The following CTC1 variants were observed in gnomAD, a reference collection of about 807,000 sequenced individuals.
CTC1 encodes CST telomere replication complex component 1.
CTC1 carries 91 observed loss-of-function variants against 136.3 expected under a neutral mutation model. The observed-to-expected ratio is 0.67, with a 90% confidence interval of 0.56 to 0.79. The LOEUF (loss-of-function observed/expected upper bound fraction) is 0.79. Among genes scored for constraint, CTC1 ranks in the 30% least tolerant of loss-of-function variants. CTC1 has a pLI of 0.00. For synonymous variants in CTC1, 606 were observed against 613.8 expected (o/e 0.99, Z 0.19); for missense variants, 1,432 against 1,498.1 (o/e 0.96, Z 0.73).
intron 18 of CTC1, 49 bp from the exon 19 acceptor site, chr17:8,229,495 G>A (rs766289564): frequency 1.9e-6 from 3 of 1,549,288 alleles, no homozygotes; most frequent in Admixed American, 3.4e-5. Context: ...AACAGAACAG[G>A]CAAAGGGGTT....
Position 8,237,364 on chromosome 17 carries a change from C to T in CTC1, c.792+11G>A. On this transcript the variant is annotated intron_variant, in intron 5 of 22. Coordinates refer to ENST00000651323, the MANE Select transcript of CTC1 (RefSeq NM_025099.6). The stretch of plus-strand genomic sequence containing the variant: ...CCCCACTTCCATGGCTGAAATGACC[C>T]CAGTCCTCACCTGCACGATGATGGA... 1 of 1,613,998 alleles carries T rather than the reference C, an allele frequency of 6.2e-7. No individual in the cohort carries two copies. The highest frequency in any genetic ancestry group is 1.1e-5 in the South Asian group (1 of 91,066).
At chr17:8,244,024 G>A (rs1387396381) in intron 1 of CTC1, among the ~76,000 whole-genome samples, 1 of 152,150 alleles carries the variant, frequency 6.6e-6, no homozygotes, top group Non-Finnish European at 1.5e-5. Flanking sequence ...AACCCAGATG[G>A]CGCCACTGCA....
rs1422874923 is a variant in CTC1 at position 8,234,768 on chromosome 17, T to C, written c.1598A>G (p.His533Arg). ...NAHNEILEEP[H>R]HCPLQKYTRL... Reference sequence around the variant, plus strand: ...TCATACTTTCTGGAGGGGACAGTGATGTGGCTCTTCAAGGATCTCATTGTG... The same window carrying C: ...TCATACTTTCTGGAGGGGACAGTGACGTGGCTCTTCAAGGATCTCATTGTG... Residue 533 changes from histidine (H) to arginine (R), a missense_variant, in exon 9 of 23, where the codon CAT (histidine) becomes CGT (arginine). Coordinates refer to ENST00000651323, the MANE Select transcript of CTC1 (RefSeq NM_025099.6). The C allele has an allele frequency of 6.3e-6, 10 of 1,599,548 alleles. No individual in the cohort carries two copies. Among genetic ancestry groups the C allele is most frequent in the Non-Finnish European group, 7.7e-6 (9 of 1,171,920 alleles).
Position 8,228,507 on chromosome 17 carries a change from T to C in CTC1, c.3510A>G (p.Pro1170=), listed in dbSNP as rs766968528. 3.8e-5 allele frequency: 61 copies of C among 1,614,080 alleles called. 3 individuals carry two copies. In the South Asian group the frequency reaches 6.4e-4, roughly 17 times the overall value. ...TCCCCCCGTCTCCAACCTTACCTAA[T>C]GGGACGATCTTCGACGGTTTCCTTT... The part of the protein sequence containing the change: ...ELERKPSKIV[P]LEPPRLQRFQ... The change falls in exon 22 of 23, where the codon CCA becomes CCG. Residue 1170 remains proline, a synonymous_variant. Transcript: ENST00000651323.
intron 1 of CTC1, among the ~76,000 whole-genome samples, chr17:8,244,956 T>A (rs1040344128): frequency 2.0e-5 from 3 of 152,202 alleles, no homozygotes; most frequent in Non-Finnish European, 4.4e-5. Context: ...CATGGAATAC[T>A]ACGCAGCCAT....
intron 1 of CTC1, 89 bp from the exon 2 acceptor site, chr17:8,243,237 G>C: frequency 7.7e-7 from 1 of 1,304,098 alleles, no homozygotes; most frequent in Admixed American, 2.5e-5. Flanking sequence ...AAAAATATCC[G>C]GGCCGGGTGC....
chr17:8,237,597 A>C, intron 4 of CTC1, 78 bp from the exon 5 acceptor site: 1 of 1,164,860 alleles, frequency 8.6e-7, no homozygotes, highest in Non-Finnish European at 1.2e-6. Flanking sequence ...CCTGAAAGGC[A>C]GAGGTTGCAG....
chr17:8,236,030 A>C, intron 6 of CTC1, 28 bp downstream of exon 6: 1 of 1,599,912 alleles, frequency 6.3e-7, no homozygotes, highest in Non-Finnish European at 8.6e-7. Context: ...CTGGCCCCTC[A>C]AGCTCTAGGA....
chr17:8,226,996 C>G lies in CTC1; in HGVS notation c.*1184G>C, dbSNP rs1033896632. On this transcript the variant is annotated 3_prime_UTR_variant, in exon 23 of 23. Transcript: ENST00000651323. ...CACAAAAAAAAGCCACCCACTGGCC[C>G]GTACGGGGTTCGAACCCGCGACCTT... 6.6e-6 allele frequency: 1 copy of G among 152,624 alleles called. No individual in the cohort carries two copies. Among genetic ancestry groups the G allele is most frequent in the African/African-American group, 2.4e-5 (1 of 41,434 alleles). The allele number at this position is 152,624 out of a possible 1,614,324, so 9.5% of individuals were successfully genotyped here.
Position 8,231,825 on chromosome 17 carries a change from T to C in CTC1, c.2386-10A>G, listed in dbSNP as rs746382653. ...AGAAAATGAGGTGAACCTGGGAGGA[T>C]GGAGAGCAAAGTGCTGGGATCCTAG... On this transcript the variant is annotated splice_polypyrimidine_tract_variant and intron_variant, in intron 13 of 22. Transcript: ENST00000651323. 5.0e-6 allele frequency: 8 copies of C among 1,614,086 alleles called. No homozygotes were observed. Among genetic ancestry groups the C allele is most frequent in the African/African-American group, 1.3e-5 (1 of 75,014 alleles).
chr17:8,232,519 T>C, intron 11 of CTC1, 44 bp from the exon 12 acceptor site: 1 of 1,537,704 alleles, frequency 6.5e-7, no homozygotes. Flanking sequence ...AGGAGACCTG[T>C]GGGGTGGGTT....
chr17:8,242,546 AAAAAAAAATATAT>A (rs1161030381), intron 2 of CTC1, among the ~76,000 whole-genome samples: 4,909 of 91,160 alleles, frequency 0.054, 77 homozygotes, highest in Non-Finnish European at 0.082. Context: ...AAAAAAAAAA[AAAAAAAAATATAT>A]ATATATATAT....
chr17:8,227,057 A>T lies in CTC1; in HGVS notation c.*1123T>A, dbSNP rs894994082. The T allele has an allele frequency of 6.6e-6, 1 of 151,008 alleles. No homozygotes were observed. Among genetic ancestry groups the T allele is most frequent in the African/African-American group, 2.5e-5 (1 of 40,086 alleles). 9.4% of individuals were successfully genotyped at this position (151,008 alleles called of 1,614,324 possible). ...GCACCACGCTCTAACCAACTGAGCT[A>T]ACCGGCCACTAACTTTCCGGGTCTA... On this transcript the variant is annotated 3_prime_UTR_variant, in exon 23 of 23. Transcript: ENST00000651323.
chr17:8,234,950 T>A (rs1281078990), intron 8 of CTC1, 24 bp from the exon 9 acceptor site: 1 of 1,592,932 alleles, frequency 6.3e-7, no homozygotes, highest in Admixed American at 1.7e-5. Flanking sequence ...AGCAGCACAG[T>A]CACTTCCCCT....
In CTC1 at chr17:8,235,949, G is replaced by T. The variant is rs766468413; in HGVS notation, c.1088C>A (p.Thr363Asn). The T allele has an allele frequency of 2.5e-6, 4 of 1,607,498 alleles. No homozygotes were observed. The highest frequency in any genetic ancestry group is 2.6e-6 in the Non-Finnish European group (3 of 1,174,888). The change falls in exon 7 of 23, where the codon ACT becomes AAT. Residue 363 changes from threonine (T) to asparagine (N), a missense_variant. Transcript: ENST00000651323. Reference sequence around the variant, plus strand: ...GCCAGCGGGCTCATTCAACACGCCAGTGACTGCTCCCTGCAAACAGGCCGA... The same window carrying T: ...GCCAGCGGGCTCATTCAACACGCCATTGACTGCTCCCTGCAAACAGGCCGA... ...SRLLSYSGAV[T>N]GVLNEPAGLY...
At chr17:8,229,556 A>C (rs1174171249) in intron 18 of CTC1, 110 bp from the exon 19 acceptor site, 1 of 894,760 alleles carries the variant, frequency 1.1e-6, no homozygotes, top group Non-Finnish European at 1.8e-6. Context: ...GGATGGGGAC[A>C]GCAGTGGGTT....
rs568980956 is a variant in CTC1 at position 8,234,525 on chromosome 17, C to T, written c.1748G>A (p.Ser583Asn). The T allele has an allele frequency of 3.7e-5, 58 of 1,560,662 alleles. No individual in the cohort carries two copies. In the East Asian group the frequency reaches 1.0e-3, roughly 28 times the overall value. ...AGCCAGGCGGCGATTGAGTTGGCAG[C>T]TGGGCAGGTAGGAGGCCTCCGGGAG... ...LPLPEASYLP[S>N]CQLNRRLAWS... Residue 583 changes from serine (S) to asparagine (N), a missense_variant, in exon 10 of 23, where the codon AGC (serine) becomes AAC (asparagine). Transcript: ENST00000651323.
Position 8,229,962 on chromosome 17 carries a change from G to A in CTC1, c.2940C>T (p.His980=), listed in dbSNP as rs1459344150. 6.2e-7 allele frequency: 1 copy of A among 1,614,078 alleles called. No individual in the cohort carries two copies. The highest frequency in any genetic ancestry group is 1.6e-4 in the Middle Eastern group (1 of 6,062). The change falls in exon 18 of 23, where the codon CAC becomes CAT. Residue 980 remains histidine (H), a synonymous_variant. Coordinates refer to ENST00000651323, the MANE Select transcript of CTC1 (RefSeq NM_025099.6). ...ATGACCGGAAACAACAATAAACATTGTGAGATCTGCAAGTGGAAGAGGAAT... is the reference window on the plus strand; with the variant it reads ...ATGACCGGAAACAACAATAAACATTATGAGATCTGCAAGTGGAAGAGGAAT... ...SQLEKRVSRS[H]NVYCCFRSST...
intron 2 of CTC1, among the ~76,000 whole-genome samples, chr17:8,242,473 C>T (rs911163951): frequency 6.8e-6 from 1 of 147,280 alleles, no homozygotes; most frequent in African/African-American, 2.5e-5. Flanking sequence ...AGCTATGAAC[C>T]CCTTTTCTTG....
Sources: gnomAD v4.1 joint callset for allele counts (sites outside exome capture counted in the v4.1 genomes callset) on GRCh38, gnomAD v4.1.1 for gene constraint, MANE v1.5 for transcripts, NCBI Gene and HGNC (gene_info 2026-07-23, HGNC 2026-07-21) for gene names.